The following CACNA2D1 variants were observed in gnomAD, a reference collection of about 807,000 sequenced individuals.
The protein encoded by CACNA2D1 is voltage-dependent calcium channel subunit alpha-2/delta-1.
A neutral mutation model predicts 171.5 loss-of-function variants in CACNA2D1; 53 were observed. The observed-to-expected ratio is 0.31, with a 90% CI of 0.25 to 0.39. The LOEUF (loss-of-function observed/expected upper bound fraction) is 0.39, where lower values mean the gene tolerates loss of function less well. CACNA2D1 is among the 10% of genes least tolerant of loss of function. The pLI is 1.00. For synonymous variants in CACNA2D1, 442 were observed against 443.1 expected, an observed-to-expected ratio of 1.00 and a Z score of 0.03; for missense variants, 903 against 1,299.8, an observed-to-expected ratio of 0.69 and a Z score of 4.69.
At chr7:82,108,158 A>T (rs1787966299) in intron 6 of CACNA2D1, among the ~76,000 whole-genome samples, 1 of 152,206 alleles carries the variant, frequency 6.6e-6, no homozygotes, top group Non-Finnish European at 1.5e-5. Context: ...AAAAGTGATT[A>T]TGTGAATTAA....
At chr7:82,435,836 T>C (rs1004301300) in intron 1 of CACNA2D1, among the ~76,000 whole-genome samples, 41 of 152,132 alleles carry the variant, frequency 2.7e-4, no homozygotes, top group Non-Finnish European at 7.4e-5. Context: ...CAAATGTCGA[T>C]GTAATATGAG....
At chr7:82,060,378 G>A in intron 10 of CACNA2D1, 50 bp downstream of exon 10, 1 of 1,207,624 alleles carries the variant, frequency 8.3e-7, no homozygotes, top group South Asian at 1.2e-5. Context: ...GTCAGGAGAA[G>A]ATAGAAATTG....
chr7:82,325,600 AAGTT>A (rs1157306168), intron 3 of CACNA2D1, among the ~76,000 whole-genome samples: 1 of 152,174 alleles, frequency 6.6e-6, no homozygotes, highest in Non-Finnish European at 1.5e-5. Flanking sequence ...AGCCACCTAA[AAGTT>A]AGATAACATA....
intron 3 of CACNA2D1, among the ~76,000 whole-genome samples, chr7:82,185,096 G>A (rs1477444185): frequency 6.6e-6 from 1 of 152,114 alleles, no homozygotes; most frequent in Admixed American, 6.5e-5. Context: ...TCAACATCAC[G>A]TAAGTAGGAG....
chr7:82,384,812 A>T (rs893671579), intron 1 of CACNA2D1, among the ~76,000 whole-genome samples: 70 of 152,340 alleles, frequency 4.6e-4, no homozygotes, highest in African/African-American at 1.7e-3. Flanking sequence ...TAGGACAGAA[A>T]TCAACAAAAA....
intron 21 of CACNA2D1, among the ~76,000 whole-genome samples, chr7:81,988,106 G>T (rs770224076): frequency 6.6e-6 from 1 of 152,038 alleles, no homozygotes; most frequent in South Asian, 2.1e-4. Flanking sequence ...ACATTGTAAG[G>T]GTCAAAAGAA....
chr7:82,013,746 C>A (rs1337317324), intron 13 of CACNA2D1, among the ~76,000 whole-genome samples: 1 of 151,598 alleles, frequency 6.6e-6, no homozygotes. Context: ...AATAGGTATT[C>A]TTCTATGAAG....
At chr7:82,170,424 G>A (rs905313895) in intron 4 of CACNA2D1, 126 bp downstream of exon 4, 2 of 864,598 alleles carry the variant, frequency 2.3e-6, no homozygotes, top group Non-Finnish European at 3.9e-6. Context: ...AAAGCAACAA[G>A]TATGATTATT....
chr7:82,193,553 T>C (rs1798552037), intron 3 of CACNA2D1, among the ~76,000 whole-genome samples: 1 of 151,982 alleles, frequency 6.6e-6, no homozygotes, highest in South Asian at 2.1e-4. Context: ...AAATGAAACA[T>C]TTATTACACT....
At chr7:82,038,332 T>G in intron 10 of CACNA2D1, 97 bp from the exon 11 acceptor site, 15 of 1,018,842 alleles carry the variant, frequency 1.5e-5, no homozygotes, top group Non-Finnish European at 2.0e-5. Context: ...CGGTATTGCA[T>G]TGCTTACTCT....
intron 5 of CACNA2D1, among the ~76,000 whole-genome samples, chr7:82,119,306 T>TA (rs1457929268): frequency 2.0e-5 from 3 of 152,156 alleles, no homozygotes; most frequent in Admixed American, 1.3e-4. Context: ...ATGCATTTGA[T>TA]AAAACGAAAC....
chr7:82,157,916 T>C (rs547437980), intron 4 of CACNA2D1, among the ~76,000 whole-genome samples: 3 of 152,120 alleles, frequency 2.0e-5, no homozygotes, highest in Admixed American at 6.5e-5. Flanking sequence ...CTCCAACATT[T>C]ATAGAAACAC....
At chr7:82,406,547 A>G (rs1015951912) in intron 1 of CACNA2D1, among the ~76,000 whole-genome samples, 1 of 152,158 alleles carries the variant, frequency 6.6e-6, no homozygotes, top group Non-Finnish European at 1.5e-5. Flanking sequence ...CATCCTCTCC[A>G]GTACCTGTTG....
rs141595270 is a variant in CACNA2D1 at position 82,016,378 on chromosome 7, C to T, written c.1144-1899G>A. On this transcript the variant is annotated intron_variant, in intron 12 of 38. Transcript: ENST00000356860. Reference sequence around the variant, plus strand: ...TTGAACCCATACCTCAAATTTTCAACGGAAGCATGGCTTTGCCTAGAAGTT... The same window carrying T: ...TTGAACCCATACCTCAAATTTTCAATGGAAGCATGGCTTTGCCTAGAAGTT... Among the ~76,000 whole-genome samples, 545 of 152,190 alleles carry T rather than the reference C, an allele frequency of 3.6e-3. 12 individuals are homozygous for T. The highest frequency in any genetic ancestry group is 0.031 in the Admixed American group (478 of 15,268).
chr7:82,226,024 T>G (rs1802320249), intron 3 of CACNA2D1, among the ~76,000 whole-genome samples: 2 of 152,112 alleles, frequency 1.3e-5, no homozygotes, highest in Non-Finnish European at 2.9e-5. Context: ...AATTGTATTT[T>G]AATTATTTTT....
intron 5 of CACNA2D1, among the ~76,000 whole-genome samples, chr7:82,133,245 TATGAAATCCATATTAATATACAG>T (rs2129072894): frequency 6.6e-6 from 1 of 152,288 alleles, no homozygotes; most frequent in African/African-American, 2.4e-5. Context: ...TACCCATTAT[TATGAAATCCATATTAATATACAG>T]ATTTCACAGA....
At chr7:82,178,824 A>C (rs902564508) in intron 3 of CACNA2D1, among the ~76,000 whole-genome samples, 1 of 152,024 alleles carries the variant, frequency 6.6e-6, no homozygotes, top group African/African-American at 2.4e-5. Context: ...CTAAATCACT[A>C]AATGTGCGTT....
rs549746380 is a variant in CACNA2D1 at position 82,406,424 on chromosome 7, G to C, written c.95+36941C>G. Among the ~76,000 whole-genome samples the C allele has an allele frequency of 3.7e-3, 559 of 152,206 alleles. 4 individuals carry two copies. The highest frequency in any genetic ancestry group is 0.013 in the African/African-American group (530 of 41,518). ...TATATACCCAGTAATGGGATGGCTGGGTCAAATGGCATTTCTAGTTCTAGA... is the reference window on the plus strand; with the variant it reads ...TATATACCCAGTAATGGGATGGCTGCGTCAAATGGCATTTCTAGTTCTAGA... On this transcript the variant is annotated intron_variant, in intron 1 of 38. Coordinates refer to ENST00000356860, the MANE Select transcript of CACNA2D1 (RefSeq NM_000722.4).
chr7:82,437,982 G>T (rs1830228860), intron 1 of CACNA2D1, among the ~76,000 whole-genome samples: 1 of 152,092 alleles, frequency 6.6e-6, no homozygotes, highest in Non-Finnish European at 1.5e-5. Context: ...ACTTTTAATA[G>T]GTGCCAACAT....
Sources: allele counts gnomAD v4.1 joint callset (sites outside exome capture counted in the v4.1 genomes callset), GRCh38; gene constraint gnomAD v4.1.1; transcripts MANE v1.5; gene names NCBI Gene and HGNC (gene_info 2026-07-23, HGNC 2026-07-21).